Variants in CAPN7 observed in about 807,000 individuals in gnomAD.
CAPN7 encodes the protein calpain 7.
CAPN7 carries 72 observed loss-of-function variants against 115.2 expected under a neutral mutation model. The ratio of observed to expected loss-of-function variants is 0.63; its 90% confidence interval spans 0.52 to 0.76. CAPN7 has a LOEUF of 0.76. CAPN7 is among the 30% of genes least tolerant of loss of function. The probability of loss-of-function intolerance (pLI) is 0.00; values close to 1 mark genes in which losing one functional copy is unlikely to be tolerated. For synonymous variants in CAPN7, 344 were observed against 322.3 expected (o/e 1.07, Z -0.72); for missense variants, 905 against 971.5 (o/e 0.93, Z 0.91).
chr3:15,229,449 C>G (rs1694532649), intron 8 of CAPN7, among the ~76,000 whole-genome samples: 1 of 150,564 alleles, frequency 6.6e-6, no homozygotes, highest in African/African-American at 2.4e-5. Flanking sequence ...ATTTTGAAAA[C>G]TTAGAACATA....
rs1694430736 is a variant in CAPN7, at chr3:15,228,025, T to C, written c.852+60T>C. The C allele has an allele frequency of 1.0e-5, 13 of 1,280,310 alleles. No homozygotes were observed. In the South Asian group the frequency reaches 2.8e-4, roughly 27 times the overall value. 79.3% of individuals were successfully genotyped at this position (1,280,310 alleles called of 1,614,324 possible). A position where few individuals can be genotyped will look rare whatever the true frequency, so the allele number is the denominator to read the frequency against. On this transcript the variant is annotated intron_variant, in intron 7 of 20. Coordinates refer to ENST00000253693, the MANE Select transcript of CAPN7 (RefSeq NM_014296.3). ...TCAGCATTTTAAAGTAATTTGTGTA[T>C]AGATTTGAGTTTTTTCTTAGATTTT...
intron 12 of CAPN7, among the ~76,000 whole-genome samples, chr3:15,238,108 CT>C (rs34203410): frequency 0.021 from 1,224 of 58,170 alleles, 7 homozygotes; most frequent in African/African-American, 0.085. Context: ...ATTCTGACTT[CT>C]TTTTTTTTTT....
chr3:15,206,351 G>C lies in CAPN7; in HGVS notation c.-145G>C. On this transcript the variant is annotated 5_prime_UTR_variant, in exon 1 of 21. Transcript: ENST00000253693. Reference sequence around the variant, plus strand: ...GACCCCAGCCCGGCAACGGGAAGGCGAGCTCTCCTCCACCGTCCAAAGTAA... The same window carrying C: ...GACCCCAGCCCGGCAACGGGAAGGCCAGCTCTCCTCCACCGTCCAAAGTAA... The C allele has an allele frequency of 1.7e-6, 1 of 585,808 alleles. No homozygotes were observed. Among genetic ancestry groups the C allele is most frequent in the South Asian group, 2.1e-5 (1 of 47,820 alleles). The allele number at this position is 585,808 out of a possible 1,614,324, so 36.3% of individuals were successfully genotyped here.
chr3:15,214,463 C>T (rs905036789), intron 2 of CAPN7, among the ~76,000 whole-genome samples: 3 of 152,062 alleles, frequency 2.0e-5, no homozygotes, highest in Admixed American at 2.0e-4. Flanking sequence ...TGGCTCATGC[C>T]TGTAATCCCA....
At chr3:15,214,298 G>A (rs1277496231) in intron 2 of CAPN7, among the ~76,000 whole-genome samples, 1 of 152,120 alleles carries the variant, frequency 6.6e-6, no homozygotes, top group African/African-American at 2.4e-5. Context: ...ATTATTTTAA[G>A]CAGAAAAGTC....
At chr3:15,212,268 C>G (rs528418015) in intron 2 of CAPN7, 56 bp downstream of exon 2, 227 of 924,624 alleles carry the variant, frequency 2.5e-4, no homozygotes, top group Admixed American at 1.1e-3. Context: ...CCCATCATGT[C>G]TTTCCCCCAT....
At chr3:15,249,108 A>G (rs1156458642) in intron 19 of CAPN7, among the ~76,000 whole-genome samples, 1 of 152,134 alleles carries the variant, frequency 6.6e-6, no homozygotes, top group Non-Finnish European at 1.5e-5. Flanking sequence ...CTAATCCAGC[A>G]GCAGCAGTTA....
At chr3:15,248,329 G>C (rs1377374570) in intron 19 of CAPN7, among the ~76,000 whole-genome samples, 1 of 152,096 alleles carries the variant, frequency 6.6e-6, no homozygotes, top group African/African-American at 2.4e-5. Flanking sequence ...TAATAGTCCT[G>C]ATATAACAAT....
chr3:15,212,432 A>G (rs2045009998), intron 2 of CAPN7, among the ~76,000 whole-genome samples: 1 of 152,236 alleles, frequency 6.6e-6, no homozygotes, highest in Non-Finnish European at 1.5e-5. Context: ...CCAGTTTCCT[A>G]ATTTCCCAGA....
intron 1 of CAPN7, among the ~76,000 whole-genome samples, chr3:15,208,214 T>G (rs2044739586): frequency 1.3e-5 from 2 of 151,868 alleles, no homozygotes; most frequent in South Asian, 4.2e-4. Flanking sequence ...TATATGCTTT[T>G]TTTTTTTTTT....
chr3:15,213,940 C>T (rs3864043), intron 2 of CAPN7, among the ~76,000 whole-genome samples: 17,593 of 148,552 alleles, frequency 0.12, 3,460 homozygotes, highest in African/African-American at 0.41. Flanking sequence ...AGTGCAGTGG[C>T]GCGATCTCAG....
intron 15 of CAPN7, 76 bp from the exon 16 acceptor site, chr3:15,242,079 GTGGAGAGATTTAGAGCATTTTTT>G: frequency 1.4e-6 from 1 of 739,674 alleles, no homozygotes; most frequent in Non-Finnish European, 2.3e-6. Flanking sequence ...GAGATTTTTT[GTGGAGAGATTTAGAGCATTTTTT>G]TGGAGAGATT....
At position 15,240,755 on chromosome 3, in the gene CAPN7, A is replaced by T; in HGVS notation, c.1554A>T (p.Gly518=). 1.9e-6 allele frequency: 3 copies of T among 1,600,756 alleles called. No homozygotes were observed. ...DPRTAQKIDN[G]IFWISWDDLC... ...ATTAACAAAGATATTAATTTTCAGG[A>T]ATATTTTGGATTTCCTGGGATGATC... The change falls in exon 14 of 21, where the codon GGA becomes GGT. Residue 518 remains glycine, a splice_region_variant and synonymous_variant. Coordinates refer to ENST00000253693, the MANE Select transcript of CAPN7 (RefSeq NM_014296.3).
chr3:15,216,689 G>A (rs1693621435), intron 2 of CAPN7, among the ~76,000 whole-genome samples: 1 of 152,120 alleles, frequency 6.6e-6, no homozygotes, highest in Non-Finnish European at 1.5e-5. Flanking sequence ...AGAAAAAAAA[G>A]TTTTAATTGC....
chr3:15,213,133 A>G (rs2045048879), intron 2 of CAPN7, among the ~76,000 whole-genome samples: 1 of 152,250 alleles, frequency 6.6e-6, no homozygotes, highest in Non-Finnish European at 1.5e-5. Flanking sequence ...AAAATATCAT[A>G]TAAAATTCAA....
At chr3:15,221,450 C>T (rs1231989327) in intron 5 of CAPN7, among the ~76,000 whole-genome samples, 1 of 150,958 alleles carries the variant, frequency 6.6e-6, no homozygotes, top group Admixed American at 6.6e-5. Context: ...ACCTCGGCCT[C>T]CCAAAGTATT....
At chr3:15,222,038 T>C (rs1431649386) in intron 5 of CAPN7, among the ~76,000 whole-genome samples, 1 of 150,968 alleles carries the variant, frequency 6.6e-6, no homozygotes. Flanking sequence ...TATATATATG[T>C]AAAGTTTTTC....
At chr3:15,240,329 G>A in intron 12 of CAPN7, 144 bp from the exon 13 acceptor site, 1 of 749,640 alleles carries the variant, frequency 1.3e-6, no homozygotes, top group Non-Finnish European at 2.2e-6. Context: ...TGTATGACCT[G>A]GTGAAAGTGT....
intron 18 of CAPN7, among the ~76,000 whole-genome samples, chr3:15,247,079 G>A (rs1298518658): frequency 6.6e-6 from 1 of 152,212 alleles, no homozygotes; most frequent in East Asian, 1.9e-4. Flanking sequence ...TGGGCTACAT[G>A]TATAGAGGAA....
Sources: allele counts gnomAD v4.1 joint callset (sites outside exome capture counted in the v4.1 genomes callset), GRCh38; gene constraint gnomAD v4.1.1; transcripts MANE v1.5; gene names NCBI Gene and HGNC (gene_info 2026-07-23, HGNC 2026-07-21).